The following TMEM135 variants were observed in gnomAD, a reference collection of about 807,000 sequenced individuals.
TMEM135 encodes transmembrane protein 135.
TMEM135 carries 30 observed loss-of-function variants against 60.3 expected under a neutral mutation model. The ratio of observed to expected loss-of-function variants is 0.50; its 90% confidence interval spans 0.37 to 0.68. The LOEUF (loss-of-function observed/expected upper bound fraction) is 0.68. Ranked by LOEUF, TMEM135 falls within the 30% of genes least tolerant of loss-of-function variation. The pLI, the probability that TMEM135 is intolerant of heterozygous loss-of-function variation, is 0.00. For synonymous variants in TMEM135, 190 were observed against 186.7 expected (o/e 1.02, Z -0.14); for missense variants, 468 against 548.8 (o/e 0.85, Z 1.47).
chr11:87,204,928 T>TTA (rs747134153), intron 5 of TMEM135, among the ~76,000 whole-genome samples: 62 of 152,312 alleles, frequency 4.1e-4, no homozygotes, highest in Non-Finnish European at 7.8e-4. Context: ...AAAATTCCCT[T>TTA]TATATTCTTT....
intron 4 of TMEM135, among the ~76,000 whole-genome samples, chr11:87,132,546 C>G (rs1157558256): frequency 1.3e-5 from 2 of 152,026 alleles, no homozygotes; most frequent in Non-Finnish European, 2.9e-5. Flanking sequence ...CAAAATTAAA[C>G]TTTGATTTTG....
intron 6 of TMEM135, among the ~76,000 whole-genome samples, chr11:87,280,512 G>A (rs1403306030): frequency 6.6e-6 from 1 of 152,036 alleles, no homozygotes; most frequent in African/African-American, 2.4e-5. Flanking sequence ...AGTCTTATAT[G>A]TATTTTTCCT....
At chr11:87,217,686 G>A (rs928984550) in intron 5 of TMEM135, among the ~76,000 whole-genome samples, 1 of 152,112 alleles carries the variant, frequency 6.6e-6, no homozygotes, top group East Asian at 1.9e-4. Context: ...TCGGGAGCCT[G>A]AGGCAGGAGA....
Position 87,328,150 on chromosome 11 carries a change from A to G in TMEM135, c.*6817A>G. The G allele has an allele frequency of 2.2e-6, 1 of 454,038 alleles. No individual in the cohort carries two copies. The allele number at this position is 454,038 out of a possible 1,614,324, so 28.1% of individuals were successfully genotyped here. On this transcript the variant is annotated 3_prime_UTR_variant, in exon 15 of 15. Coordinates refer to ENST00000305494, the MANE Select transcript of TMEM135 (RefSeq NM_022918.4). ...AATTCTGTTACTTTCAGCTGAAAAC[A>G]TTTCTAATGGACATATTCCAATTCT...
In TMEM135 at chr11:87,169,397, C is replaced by T. The variant is rs184366624; in HGVS notation, c.462+11991C>T. 9.1e-4 allele frequency among the ~76,000 whole-genome samples: 137 copies of T among 151,250 alleles called. No homozygotes were observed. In the East Asian group the frequency reaches 0.011, roughly 12 times the overall value. On this transcript the variant is annotated intron_variant, in intron 5 of 14. Transcript: ENST00000305494. ...AGTTGATGCAGTTTCTTCATAGTGT[C>T]GATGGTCTTTATAATTTGGTATGTT...
intron 5 of TMEM135, among the ~76,000 whole-genome samples, chr11:87,173,227 C>T (rs557663281): frequency 6.6e-6 from 1 of 152,252 alleles, no homozygotes; most frequent in Non-Finnish European, 1.5e-5. Context: ...ATCTCTGAGA[C>T]TGATGCCTAG....
At chr11:87,069,743 A>G (rs1327111867) in intron 2 of TMEM135, among the ~76,000 whole-genome samples, 1 of 152,228 alleles carries the variant, frequency 6.6e-6, no homozygotes, top group South Asian at 2.1e-4. Flanking sequence ...TTTACATTCA[A>G]TAACTTAAGT....
At chr11:87,279,879 GC>G (rs1199856354) in intron 6 of TMEM135, among the ~76,000 whole-genome samples, 1 of 152,312 alleles carries the variant, frequency 6.6e-6, no homozygotes, top group African/African-American at 2.4e-5. Context: ...GTCAGAGACA[GC>G]CTGGATGAAT....
chr11:87,169,320 A>G (rs954009655), intron 5 of TMEM135, among the ~76,000 whole-genome samples: 1 of 149,762 alleles, frequency 6.7e-6, no homozygotes, highest in Non-Finnish European at 1.5e-5. Context: ...TAATATTGTT[A>G]TGTGTGAATT....
chr11:87,146,620 T>C lies in TMEM135; in HGVS notation c.397-10721T>C, dbSNP rs144584921. Among the ~76,000 whole-genome samples, 424 of 152,260 alleles carry C rather than the reference T, an allele frequency of 2.8e-3. 3 individuals carry two copies. The highest frequency in any genetic ancestry group is 9.8e-3 in the African/African-American group (406 of 41,532). ...TGGTTTTTCATTAATCCATCACATA[T>C]TTTTACATTTGAAAAGTCAAAATTA... On this transcript the variant is annotated intron_variant, in intron 4 of 14. Coordinates refer to ENST00000305494, the MANE Select transcript of TMEM135 (RefSeq NM_022918.4).
rs201355341 is a variant in TMEM135, at chr11:87,066,779, C to CTTTTTT, written c.142-912_142-911insTTTTTT. On this transcript the variant is annotated intron_variant, in intron 1 of 14. Coordinates refer to ENST00000305494, the MANE Select transcript of TMEM135 (RefSeq NM_022918.4). ...TACATACTTGTGTTGTTACTAGATT[C>CTTTTTT]TTTCTTTTTTTTTTTTTTTTGAGAC... Among the ~76,000 whole-genome samples the CTTTTTT allele has an allele frequency of 7.0e-5, 9 of 129,178 alleles. 2 individuals carry two copies. The highest frequency in any genetic ancestry group is 1.2e-4 in the African/African-American group (4 of 33,684). 84.7% of individuals were successfully genotyped at this position (129,178 alleles called of 152,430 possible).
chr11:87,301,268 T>A (rs1330422648), intron 7 of TMEM135, among the ~76,000 whole-genome samples: 1 of 151,824 alleles, frequency 6.6e-6, no homozygotes, highest in Non-Finnish European at 1.5e-5. Flanking sequence ...TTTTTTTTTT[T>A]AAAGAGACAG....
At chr11:87,257,144 CCT>C (rs1227730109) in intron 6 of TMEM135, among the ~76,000 whole-genome samples, 1 of 152,228 alleles carries the variant, frequency 6.6e-6, no homozygotes, top group East Asian at 1.9e-4. Flanking sequence ...GTTCTGGAAT[CCT>C]CTTTTGCATG....
chr11:87,218,551 C>T (rs1342058339), intron 5 of TMEM135, among the ~76,000 whole-genome samples: 2 of 152,100 alleles, frequency 1.3e-5, no homozygotes, highest in African/African-American at 4.8e-5. Context: ...GCTGATATTG[C>T]TTTAGTAGTT....
intron 1 of TMEM135, among the ~76,000 whole-genome samples, chr11:87,063,465 A>T: frequency 6.6e-6 from 1 of 152,250 alleles, no homozygotes; most frequent in East Asian, 1.9e-4. Flanking sequence ...TGATGATTTT[A>T]TACATGAGTG....
Position 87,327,995 on chromosome 11 carries a change from A to G in TMEM135, c.*6662A>G, listed in dbSNP as rs765326466. ...CTAGTCCACGCTAACTCACATGCCA[A>G]TCTCCTCTGGAAACACCCTCACAGA... On this transcript the variant is annotated 3_prime_UTR_variant, in exon 15 of 15. Coordinates refer to ENST00000305494, the MANE Select transcript of TMEM135 (RefSeq NM_022918.4). 9.3e-5 allele frequency: 42 copies of G among 453,892 alleles called. 1 individual carries two copies. Among genetic ancestry groups the G allele is most frequent in the South Asian group, 2.5e-4 (16 of 64,474 alleles). 28.1% of individuals were successfully genotyped at this position (453,892 alleles called of 1,614,324 possible). A position where few individuals can be genotyped will look rare whatever the true frequency, so the allele number is the denominator to read the frequency against.
At chr11:87,075,384 G>C (rs1856851031) in intron 3 of TMEM135, among the ~76,000 whole-genome samples, 1 of 152,042 alleles carries the variant, frequency 6.6e-6, no homozygotes, top group Admixed American at 6.6e-5. Flanking sequence ...TCGATCTCCG[G>C]ACCTCGTGAT....
chr11:87,055,301 G>A (rs1590983119), intron 1 of TMEM135, among the ~76,000 whole-genome samples: 1 of 152,114 alleles, frequency 6.6e-6, no homozygotes, highest in African/African-American at 2.4e-5. Flanking sequence ...TAGAAAAATA[G>A]TTTATTTGAC....
chr11:87,070,459 A>T (rs1449826389), intron 2 of TMEM135, among the ~76,000 whole-genome samples: 3 of 151,894 alleles, frequency 2.0e-5, no homozygotes, highest in African/African-American at 7.3e-5. Flanking sequence ...CCTGACCAAC[A>T]TGGTCTCTAC....
Sources: allele counts gnomAD v4.1 joint callset (sites outside exome capture counted in the v4.1 genomes callset), GRCh38; gene constraint gnomAD v4.1.1; transcripts MANE v1.5; gene names NCBI Gene and HGNC (gene_info 2026-07-23, HGNC 2026-07-21).